The following TTC23L variants were observed in gnomAD, a reference collection of about 807,000 sequenced individuals.
TTC23L encodes tetratricopeptide repeat domain 23 like.
In TTC23L, 42 loss-of-function variants were observed where a neutral mutation model predicts 48.1. The ratio of observed to expected loss-of-function variants is 0.87; its 90% CI spans 0.68 to 1.13. The LOEUF is 1.13. Ranked by LOEUF, TTC23L falls within the 50% of genes most tolerant of loss-of-function variation. The pLI is 0.00. For missense variants in TTC23L, 391 were observed against 421.0 expected (o/e 0.93, Z 0.62); for synonymous variants, 159 against 157.2 (o/e 1.01, Z -0.09).
At chr5:34,897,893 C>A (rs1349689593) in intron 10 of TTC23L, among the ~76,000 whole-genome samples, 1 of 152,146 alleles carries the variant, frequency 6.6e-6, no homozygotes, top group Non-Finnish European at 1.5e-5. Flanking sequence ...ACTATTTAAT[C>A]TGATCATAGA....
At position 34,886,269 on chromosome 5, in the gene TTC23L, T is replaced by A. The variant is rs185774089; in HGVS notation, c.1077+5961T>A. 1.9e-3 allele frequency among the ~76,000 whole-genome samples: 285 copies of A among 151,686 alleles called. 1 individual carries two copies. Among genetic ancestry groups the A allele is most frequent in the African/African-American group, 6.7e-3 (277 of 41,352 alleles). On this transcript the variant is annotated intron_variant, in intron 9 of 10. Transcript: ENST00000505624. Reference sequence around the variant, plus strand: ...TAGGTGACACATCACAACGGACTGATCCTGGTGGGTTATGTCATTGTTGGG... The same window carrying A: ...TAGGTGACACATCACAACGGACTGAACCTGGTGGGTTATGTCATTGTTGGG...
chr5:34,846,659 ATGTGTGTATGTGTGTG>A (rs1759211460), intron 3 of TTC23L, among the ~76,000 whole-genome samples: 3 of 69,186 alleles, frequency 4.3e-5, no homozygotes, highest in Non-Finnish European at 1.0e-4. Context: ...AAATACATAT[ATGTGTGTATGTGTGTG>A]TGTGTGTGTG....
chr5:34,903,584 T>C (rs1763564121), downstream of TTC23L, among the ~76,000 whole-genome samples: 1 of 152,228 alleles, frequency 6.6e-6, no homozygotes, highest in Admixed American at 6.5e-5. Context: ...TATAGTATCA[T>C]ACATATTAGT....
At chr5:34,914,739 T>C in the TTC23L span, 3 of 1,614,228 alleles carry the variant, frequency 1.9e-6, no homozygotes, top group Admixed American at 5.0e-5. Flanking sequence ...TTTTCCACTG[T>C]TACTTTGATA....
At chr5:34,865,566 T>C (rs1463952155) in intron 6 of TTC23L, among the ~76,000 whole-genome samples, 2 of 152,246 alleles carry the variant, frequency 1.3e-5, no homozygotes, top group East Asian at 1.9e-4. Flanking sequence ...CCAGTATTTA[T>C]TGAATACCTT....
intron 9 of TTC23L, chr5:34,888,371 C>T (rs1032424954): frequency 7.1e-6 from 3 of 422,962 alleles, no homozygotes; most frequent in East Asian, 1.6e-4. Context: ...ATCTCAGTTC[C>T]GCTGGTCCTT....
chr5:34,896,814 G>A (rs754704707), exon 10 of TTC23L: 2 of 753,022 alleles, frequency 2.7e-6, no homozygotes, highest in South Asian at 2.9e-5. Context: ...GCCATTCCTG[G>A]AAGAAGGAAC....
intron 4 of TTC23L, among the ~76,000 whole-genome samples, chr5:34,860,511 G>A (rs1473318083): frequency 2.0e-5 from 3 of 152,166 alleles, no homozygotes; most frequent in Admixed American, 2.0e-4. Flanking sequence ...TGTATTCTTG[G>A]TTCTTATTCC....
At chr5:34,879,782 G>C (rs1296730549) in intron 8 of TTC23L, among the ~76,000 whole-genome samples, 1 of 152,076 alleles carries the variant, frequency 6.6e-6, no homozygotes, top group African/African-American at 2.4e-5. Flanking sequence ...CGGATCACGA[G>C]GTCAAGAGAT....
chr5:34,857,709 T>C (rs1760241621), intron 4 of TTC23L, among the ~76,000 whole-genome samples: 1 of 152,212 alleles, frequency 6.6e-6, no homozygotes, highest in South Asian at 2.1e-4. Context: ...TTTAATCCTT[T>C]TTTTATATTA....
intron 3 of TTC23L, among the ~76,000 whole-genome samples, chr5:34,847,624 A>T (rs978000517): frequency 3.9e-5 from 6 of 152,272 alleles, no homozygotes; most frequent in African/African-American, 1.4e-4. Context: ...AAGGAGTTCG[A>T]GGATGAATAT....
intron 9 of TTC23L, among the ~76,000 whole-genome samples, chr5:34,886,492 G>A (rs967768275): frequency 1.3e-5 from 2 of 152,024 alleles, no homozygotes; most frequent in African/African-American, 4.8e-5. Context: ...TCATAATACG[G>A]GCAGGATCTG....
At chr5:34,846,567 A>AAAAAAAAAG (rs1759161517) in intron 3 of TTC23L, among the ~76,000 whole-genome samples, 2 of 112,862 alleles carry the variant, frequency 1.8e-5, no homozygotes, top group Non-Finnish European at 3.4e-5. Flanking sequence ...GTCTCAAAAA[A>AAAAAAAAAG]AAAAAAAAAA....
At chr5:34,908,827 G>T in the TTC23L span, 28 of 1,612,734 alleles carry the variant, frequency 1.7e-5, no homozygotes, top group Non-Finnish European at 2.2e-5. Context: ...AAACATATTT[G>T]TCCATCTTCA....
chr5:34,913,713 T>C, the TTC23L span: 1 of 610,884 alleles, frequency 1.6e-6, no homozygotes, highest in Middle Eastern at 3.9e-4. Flanking sequence ...TGATTAGCAA[T>C]CAAAACATCT....
At chr5:34,922,060 A>G in the TTC23L span, 1 of 425,360 alleles carries the variant, frequency 2.4e-6, no homozygotes, top group East Asian at 3.6e-5. Flanking sequence ...AGGAACTTTA[A>G]AGGTTCCTTC....
exon 2 of TTC23L, chr5:34,840,667 A>G: frequency 3.1e-6 from 5 of 1,613,902 alleles, no homozygotes; most frequent in Non-Finnish European, 4.2e-6. Context: ...CTTGGTAGGA[A>G]GAAGATGCAA....
chr5:34,876,933 C>A (rs112039166), intron 8 of TTC23L, among the ~76,000 whole-genome samples: 8 of 151,864 alleles, frequency 5.3e-5, no homozygotes, highest in African/African-American at 1.7e-4. Flanking sequence ...CATGTGTATA[C>A]CTAGTAACAA....
At chr5:34,848,748 G>A (rs2150357529) in intron 3 of TTC23L, among the ~76,000 whole-genome samples, 1 of 152,288 alleles carries the variant, frequency 6.6e-6, no homozygotes, top group South Asian at 2.1e-4. Flanking sequence ...CCGCTGGTCA[G>A]TGTAGTTCTA....
Sources: allele counts gnomAD v4.1 joint callset (sites outside exome capture counted in the v4.1 genomes callset), GRCh38; gene constraint gnomAD v4.1.1; transcripts MANE v1.5; gene names NCBI Gene and HGNC (gene_info 2026-07-23, HGNC 2026-07-21).